MCF2L2: variants seen among roughly 807,000 people sequenced by gnomAD.
MCF2L2 encodes the protein MCF.2 cell line derived transforming sequence-like 2.
MCF2L2 carries 102 observed loss-of-function variants against 150.2 expected under a neutral mutation model. The observed-to-expected ratio is 0.68, with a 90% CI of 0.58 to 0.80. The LOEUF (loss-of-function observed/expected upper bound fraction) is 0.80, where lower values mean the gene tolerates loss of function less well. Among genes scored for constraint, MCF2L2 ranks in the 30% least tolerant of loss-of-function variants. The pLI is 0.00. For synonymous variants in MCF2L2, 465 were observed against 491.3 expected (o/e 0.95, Z 0.71); for missense variants, 1,256 against 1,372.8 (o/e 0.91, Z 1.34).
At chr3:183,277,097 T>A in intron 14 of MCF2L2, 140 bp from the exon 15 acceptor site, 1 of 624,872 alleles carries the variant, frequency 1.6e-6, no homozygotes, top group Non-Finnish European at 2.8e-6. Context: ...TGCCGCTTTC[T>A]CAGGTTTTCC....
At chr3:183,254,466 G>C (rs1254876862) in intron 15 of MCF2L2, among the ~76,000 whole-genome samples, 3 of 152,004 alleles carry the variant, frequency 2.0e-5, no homozygotes, top group African/African-American at 7.2e-5. Context: ...GGTGGCCAGC[G>C]GCTGGGACCC....
At chr3:183,192,722 G>A in intron 27 of MCF2L2, 1 of 354,380 alleles carries the variant, frequency 2.8e-6, no homozygotes, top group Non-Finnish European at 5.1e-6. Context: ...TTGACTAAGA[G>A]TAACTAAAAC....
At chr3:183,339,447 T>C (rs923953902) in intron 4 of MCF2L2, among the ~76,000 whole-genome samples, 14 of 152,236 alleles carry the variant, frequency 9.2e-5, no homozygotes, top group African/African-American at 1.7e-4. Flanking sequence ...CAATCCCTTA[T>C]TGTTAATCAT....
chr3:183,377,730 G>A (rs898503434), intron 3 of MCF2L2: 5 of 152,208 alleles, frequency 3.3e-5, no homozygotes, highest in Non-Finnish European at 1.5e-5. Context: ...TTTCATCGAA[G>A]AGATGAGGTC....
chr3:183,189,742 G>A lies in MCF2L2; in HGVS notation c.3016+3257C>T, dbSNP rs377108303. Among the ~76,000 whole-genome samples the A allele has an allele frequency of 6.6e-4, 100 of 152,302 alleles. 1 individual carries two copies. The Middle Eastern group carries it at 0.01, about 16-fold the overall frequency. On this transcript the variant is annotated intron_variant, in intron 27 of 29. Transcript: ENST00000328913. Reference sequence around the variant, plus strand: ...CTACTTAACTAAATCTACGGCTGCCGCCTGCTGCTACAGTTGGTCCTTGGC... The same window carrying A: ...CTACTTAACTAAATCTACGGCTGCCACCTGCTGCTACAGTTGGTCCTTGGC...
At chr3:183,272,418 G>A in intron 15 of MCF2L2, 1 of 1,000,120 alleles carries the variant, frequency 1.0e-6, no homozygotes, top group Non-Finnish European at 1.2e-6. Flanking sequence ...GGTGATGTCG[G>A]AAACACGCAA....
chr3:183,346,891 C>T (rs917670267), intron 3 of MCF2L2, among the ~76,000 whole-genome samples: 5 of 152,122 alleles, frequency 3.3e-5, no homozygotes, highest in Non-Finnish European at 5.9e-5. Flanking sequence ...CAAATCACTG[C>T]TCAAGGAAAT....
chr3:183,380,238 C>A (rs960358782), intron 2 of MCF2L2, among the ~76,000 whole-genome samples: 1 of 152,200 alleles, frequency 6.6e-6, no homozygotes, highest in Non-Finnish European at 1.5e-5. Flanking sequence ...AAGTTCTAGC[C>A]CCACAGTCCC....
At chr3:183,387,228 G>A (rs1336036228) in intron 2 of MCF2L2, among the ~76,000 whole-genome samples, 1 of 147,304 alleles carries the variant, frequency 6.8e-6, no homozygotes, top group African/African-American at 2.5e-5. Context: ...CGGTGCCACT[G>A]CACCCCAGCC....
chr3:183,377,738 G>C (rs1713271248), intron 3 of MCF2L2: 1 of 152,194 alleles, frequency 6.6e-6, no homozygotes, highest in South Asian at 2.1e-4. Flanking sequence ...AAGAGATGAG[G>C]TCAGAGTTGA....
rs537400324 is a variant in MCF2L2 at position 183,418,213 on chromosome 3, C to T, written c.76+9689G>A. Among the ~76,000 whole-genome samples, 3 of 152,066 alleles carry T rather than the reference C, an allele frequency of 2.0e-5. No individual in the cohort carries two copies. In the South Asian group the frequency reaches 6.2e-4, roughly 32 times the overall value. ...AAAAAATTAAATAAATAAATAAACC[C>T]ATCAGATCTTGTGAGAACTCCCCCA... On this transcript the variant is annotated intron_variant, in intron 1 of 29. Transcript: ENST00000328913.
intron 5 of MCF2L2, among the ~76,000 whole-genome samples, chr3:183,337,362 G>A (rs570803769): frequency 6.6e-6 from 1 of 152,130 alleles, no homozygotes; most frequent in East Asian, 1.9e-4. Flanking sequence ...TTCAAGACCA[G>A]CCTGGCCAAC....
intron 3 of MCF2L2, among the ~76,000 whole-genome samples, chr3:183,347,315 C>T (rs372816936): frequency 4.1e-4 from 63 of 152,270 alleles, no homozygotes; most frequent in African/African-American, 1.5e-3. Flanking sequence ...AAAGGATTCC[C>T]TATTTAATAA....
At position 183,270,809 on chromosome 3, in the gene MCF2L2, A is replaced by C; in HGVS notation, c.1862+6063T>G. 6.2e-7 allele frequency: 1 copy of C among 1,614,052 alleles called. No individual in the cohort carries two copies. Among genetic ancestry groups the C allele is most frequent in the South Asian group, 1.1e-5 (1 of 91,046 alleles). On this transcript the variant is annotated intron_variant, in intron 15 of 29. Transcript: ENST00000328913. The surrounding 1 kb of genome is among the most constrained non-coding windows in gnomAD (Gnocchi z 4.5). ...TCCAGGACCTTTGGAAGAATGCTAC[A>C]GATCCTAAAGTAAAAACCATTTCCA...
intron 15 of MCF2L2, among the ~76,000 whole-genome samples, chr3:183,261,561 A>G (rs1198814181): frequency 1.3e-5 from 2 of 152,198 alleles, no homozygotes; most frequent in Admixed American, 6.5e-5. Flanking sequence ...CTACTTTCTA[A>G]GCATATCACT....
intron 15 of MCF2L2, among the ~76,000 whole-genome samples, chr3:183,260,906 G>A (rs1243173867): frequency 6.6e-6 from 1 of 152,152 alleles, no homozygotes; most frequent in Non-Finnish European, 1.5e-5. Context: ...AATTCCAAAT[G>A]GCTTCTAATT....
chr3:183,351,214 A>ATATATATATATATATG (rs1731112665), intron 3 of MCF2L2, among the ~76,000 whole-genome samples: 1 of 88,800 alleles, frequency 1.1e-5, no homozygotes, highest in Non-Finnish European at 2.1e-5. Flanking sequence ...ATATATATAT[A>ATATATATATATATATG]TATATATATA....
At chr3:183,394,296 G>A (rs1441767575) in intron 1 of MCF2L2, among the ~76,000 whole-genome samples, 4 of 152,244 alleles carry the variant, frequency 2.6e-5, no homozygotes, top group Admixed American at 6.5e-5. Flanking sequence ...GGCACCAGCT[G>A]TGAGCTGGAC....
chr3:183,259,601 G>A (rs1025854153), intron 15 of MCF2L2, among the ~76,000 whole-genome samples: 4 of 152,174 alleles, frequency 2.6e-5, no homozygotes, highest in East Asian at 1.9e-4. Context: ...CCAGGCCAGG[G>A]TGTCTGTGTC....
Sources: gnomAD v4.1 joint callset for allele counts (sites outside exome capture counted in the v4.1 genomes callset) on GRCh38, gnomAD v4.1.1 for gene constraint, Gnocchi (gnomAD v3.1) non-coding constraint, MANE v1.5 for transcripts, NCBI Gene and HGNC (gene_info 2026-07-23, HGNC 2026-07-21) for gene names.